CRAMP1: variants seen among roughly 807,000 people sequenced by gnomAD.
CRAMP1 encodes protein cramped-like.
Under a neutral mutation model 115.4 loss-of-function variants are expected in CRAMP1, and 50 were observed. The observed-to-expected ratio is 0.43, with a 90% confidence interval of 0.35 to 0.55. CRAMP1 has a LOEUF of 0.55. CRAMP1 is among the 20% of genes least tolerant of loss of function. The probability of loss-of-function intolerance (pLI) is 0.01; values close to 1 mark genes in which losing one functional copy is unlikely to be tolerated. For synonymous variants in CRAMP1, 866 were observed against 745.4 expected (o/e 1.16, Z -2.64); for missense variants, 1,679 against 1,721.7 (o/e 0.98, Z 0.44).
Position 1,614,731 on chromosome 16 carries a change from A to G in CRAMP1, c.92A>G (p.Glu31Gly). The part of the protein sequence containing the change: ...RAADEESLEG[E>G]GAGGADAAEE... ...GCCGATGAGGAGTCCCTGGAAGGAGAAGGGGCCGGCGGCGCAGACGCGGCC... is the reference window on the plus strand; with the variant it reads ...GCCGATGAGGAGTCCCTGGAAGGAGGAGGGGCCGGCGGCGCAGACGCGGCC... Residue 31 changes from glutamate to glycine, a missense_variant, in exon 2 of 21, where the codon GAA becomes GGA. By Grantham distance (98) the Glu-to-Gly change is moderately conservative. This residue lies in a region of CRAMP1 where 264 missense variants were observed against 229.7 expected (regional missense o/e 1.15). Coordinates refer to ENST00000397412, the MANE Select transcript of CRAMP1 (RefSeq NM_020825.4). The surrounding 1 kb of genome is among the most constrained non-coding windows in gnomAD (Gnocchi z 4.4). The G allele has an allele frequency of 7.3e-7, 1 of 1,366,820 alleles. No homozygotes were observed. The highest frequency in any genetic ancestry group is 9.5e-7 in the Non-Finnish European group (1 of 1,047,896). 84.7% of individuals were successfully genotyped at this position (1,366,820 alleles called of 1,614,324 possible).
At chr16:1,632,643 G>A (rs575256410) in intron 4 of CRAMP1, among the ~76,000 whole-genome samples, 11 of 152,378 alleles carry the variant, frequency 7.2e-5, no homozygotes, top group Admixed American at 2.6e-4. Context: ...CTGAGTGTGC[G>A]TGAGTTCTGG....
intron 12 of CRAMP1, 38 bp downstream of exon 12, chr16:1,662,709 C>T (rs781775633): frequency 4.3e-6 from 7 of 1,613,644 alleles, no homozygotes; most frequent in South Asian, 1.1e-5. Context: ...GTGCGAGCGT[C>T]CCCGTGGTCT....
At chr16:1,647,269 C>G (rs564898267) in intron 6 of CRAMP1, among the ~76,000 whole-genome samples, 5 of 152,168 alleles carry the variant, frequency 3.3e-5, no homozygotes, top group Non-Finnish European at 5.9e-5. Flanking sequence ...AAGCTTACTA[C>G]GTGGTTCGCA....
At chr16:1,628,193 G>T (rs1200850118) in intron 3 of CRAMP1, among the ~76,000 whole-genome samples, 1 of 152,204 alleles carries the variant, frequency 6.6e-6, no homozygotes. Context: ...AATGCTTTCT[G>T]CTGTGGGTTC....
chr16:1,665,652 A>AC (rs2036868249), intron 14 of CRAMP1: 1 of 223,122 alleles, frequency 4.5e-6, no homozygotes, highest in Non-Finnish European at 8.9e-6. Context: ...AACAGCTGTC[A>AC]ATTGCTTTTT....
intron 3 of CRAMP1, among the ~76,000 whole-genome samples, chr16:1,626,470 G>T (rs1279445403): frequency 6.6e-6 from 1 of 151,974 alleles, no homozygotes; most frequent in Non-Finnish European, 1.5e-5. Context: ...TTGACTGAAG[G>T]CCCTCTTGTT....
intron 6 of CRAMP1, among the ~76,000 whole-genome samples, chr16:1,651,154 G>A (rs554370888): frequency 3.2e-4 from 48 of 151,750 alleles, no homozygotes; most frequent in African/African-American, 7.7e-4. Flanking sequence ...CAGAGGTCAC[G>A]AAAAGGTGGA....
intron 6 of CRAMP1, among the ~76,000 whole-genome samples, chr16:1,642,400 G>C (rs1431043440): frequency 1.3e-5 from 2 of 152,208 alleles, no homozygotes; most frequent in Non-Finnish European, 2.9e-5. Flanking sequence ...CCAGCCTGCA[G>C]CCAACGACTG....
At chr16:1,654,730 T>C (rs2036754707) in intron 8 of CRAMP1, among the ~76,000 whole-genome samples, 1 of 152,194 alleles carries the variant, frequency 6.6e-6, no homozygotes. Context: ...CTCTGAACGT[T>C]TCATAGAAAC....
intron 6 of CRAMP1, among the ~76,000 whole-genome samples, chr16:1,650,750 G>T (rs997336002): frequency 4.6e-5 from 7 of 152,224 alleles, no homozygotes; most frequent in African/African-American, 1.7e-4. Context: ...AAATATAGAA[G>T]CAGCAACTCT....
chr16:1,631,685 C>T (rs1325770031), intron 3 of CRAMP1, among the ~76,000 whole-genome samples: 4 of 152,178 alleles, frequency 2.6e-5, no homozygotes, highest in Non-Finnish European at 5.9e-5. Flanking sequence ...TGCAAAGAAG[C>T]GTTCCAAGAA....
intron 3 of CRAMP1, among the ~76,000 whole-genome samples, chr16:1,629,103 T>C (rs75524981): frequency 0.016 from 2,502 of 152,328 alleles, 72 homozygotes; most frequent in African/African-American, 0.056. Context: ...TTCCTGCTTA[T>C]ATCCGTCCAT....
intron 10 of CRAMP1, among the ~76,000 whole-genome samples, chr16:1,658,843 C>T (rs2036798861): frequency 6.6e-6 from 1 of 152,088 alleles, no homozygotes; most frequent in Admixed American, 6.5e-5. Context: ...GGGTGGAGGG[C>T]TTCTTAGTCC....
chr16:1,621,764 TC>T (rs1221358340), intron 2 of CRAMP1, among the ~76,000 whole-genome samples: 1 of 151,784 alleles, frequency 6.6e-6, no homozygotes, highest in Non-Finnish European at 1.5e-5. Context: ...GCACCCCACT[TC>T]CCTGCAGGCT....
At chr16:1,663,360 T>A (rs1373871850) in intron 13 of CRAMP1, among the ~76,000 whole-genome samples, 2 of 152,308 alleles carry the variant, frequency 1.3e-5, no homozygotes, top group East Asian at 3.9e-4. Context: ...GGATGTGTGT[T>A]ATTTTGGATT....
At chr16:1,667,242 G>C in intron 16 of CRAMP1, 93 bp from the exon 17 acceptor site, 1 of 986,802 alleles carries the variant, frequency 1.0e-6, no homozygotes, top group Non-Finnish European at 1.6e-6. Context: ...CAGGGGGATG[G>C]AACGCCTCTT....
In CRAMP1 at chr16:1,667,339, C is replaced by G. The variant is rs969629329; in HGVS notation, c.3041C>G (p.Ser1014Cys). 16 of 1,613,078 alleles carry G rather than the reference C, an allele frequency of 9.9e-6. No individual in the cohort carries two copies. In the African/African-American group the frequency reaches 1.6e-4, roughly 16 times the overall value. ...DGDTLPTVGG[S>C]DPFVSIPSRP... ...ATGGGCGTGCTCTTCCTGCAGGGCT[C>G]CGACCCATTTGTCAGCATCCCTTCG... Residue 1014 changes from serine (S) to cysteine (C), a missense_variant, in exon 17 of 21, where the codon TCC (serine) becomes TGC (cysteine). Physicochemically the swap from Ser to Cys is moderately radical, Grantham distance 112 (BLOSUM62 -1). This residue lies in a region of CRAMP1 where 709 missense variants were observed against 741.9 expected (regional missense o/e 0.96). Coordinates refer to ENST00000397412, the MANE Select transcript of CRAMP1 (RefSeq NM_020825.4).
At position 1,666,018 on chromosome 16, in the gene CRAMP1, T is replaced by C; in HGVS notation, c.2753-55T>C. Reference sequence around the variant, plus strand: ...GAAGCCCCCTGCGGCCACATCCTGCTGTGAGGGCATGGCGGGCGGGCTCGA... The same window carrying C: ...GAAGCCCCCTGCGGCCACATCCTGCCGTGAGGGCATGGCGGGCGGGCTCGA... On this transcript the variant is annotated intron_variant, in intron 14 of 20. Coordinates refer to ENST00000397412, the MANE Select transcript of CRAMP1 (RefSeq NM_020825.4). This position sits in a 1 kb window ranked among gnomAD's most constrained non-coding sequence, Gnocchi z 5.0. 1 of 1,216,108 alleles carries C rather than the reference T, an allele frequency of 8.2e-7. No homozygotes were observed. Among genetic ancestry groups the C allele is most frequent in the South Asian group, 1.3e-5 (1 of 78,044 alleles). The allele number at this position is 1,216,108 out of a possible 1,614,324, so 75.3% of individuals were successfully genotyped here.
At chr16:1,659,050 C>A (rs1567459319) in intron 10 of CRAMP1, among the ~76,000 whole-genome samples, 1 of 152,080 alleles carries the variant, frequency 6.6e-6, no homozygotes, top group Non-Finnish European at 1.5e-5. Flanking sequence ...TGGGGTTGGG[C>A]TCTGTGGGCC....
Sources: allele counts gnomAD v4.1 joint callset (sites outside exome capture counted in the v4.1 genomes callset), GRCh38; gene constraint gnomAD v4.1.1; regional missense constraint gnomAD v4.1.1; non-coding constraint Gnocchi (gnomAD v3.1); transcripts MANE v1.5; gene names NCBI Gene and HGNC (gene_info 2026-07-23, HGNC 2026-07-21).